SLC7A11: variants seen among roughly 807,000 people sequenced by gnomAD.
SLC7A11 encodes the protein solute carrier family 7 member 11, also known as cystine/glutamate transporter.
A neutral mutation model predicts 54.5 loss-of-function variants in SLC7A11; 35 were observed. The ratio of observed to expected loss-of-function variants is 0.64; its 90% CI spans 0.49 to 0.85. The LOEUF (loss-of-function observed/expected upper bound fraction) is 0.85. Ranked by LOEUF, SLC7A11 falls within the 40% of genes least tolerant of loss-of-function variation. The pLI, the probability that SLC7A11 is intolerant of heterozygous loss-of-function variation, is 0.00. For missense variants in SLC7A11, 583 were observed against 618.1 expected (o/e 0.94, Z 0.60); for synonymous variants, 230 against 225.2 (o/e 1.02, Z -0.19).
At chr4:138,237,739 T>TATATATATACATA (rs1738270196) in intron 1 of SLC7A11, among the ~76,000 whole-genome samples, 1 of 9,206 alleles carries the variant, frequency 1.1e-4, no homozygotes, top group South Asian at 6.3e-3. Context: ...ATATATATAT[T>TATATATATACATA]TTTTTTTTTT....
At chr4:138,241,200 A>G (rs1023210208) in intron 1 of SLC7A11, among the ~76,000 whole-genome samples, 1 of 152,248 alleles carries the variant, frequency 6.6e-6, no homozygotes, top group African/African-American at 2.4e-5. Flanking sequence ...GGCCATTGCA[A>G]TATACCCCAT....
chr4:138,223,442 GT>G, intron 3 of SLC7A11, 118 bp from the exon 4 acceptor site: 1 of 1,064,206 alleles, frequency 9.4e-7, no homozygotes, highest in Non-Finnish European at 1.4e-6. Context: ...ACTTAGAAGT[GT>G]TTTAGAAATG....
At position 138,180,705 on chromosome 4, in the gene SLC7A11, C is replaced by T; in HGVS notation, c.1202G>A (p.Gly401Glu). The change falls in exon 10 of 12, where the codon GGG (glycine) becomes GAG (glutamate). Residue 401 changes from glycine (G) to glutamate (E), a missense_variant. By Grantham distance (98) the Gly-to-Glu change is moderately conservative (BLOSUM62 -2). Coordinates refer to ENST00000280612, the MANE Select transcript of SLC7A11 (RefSeq NM_014331.4). Reference protein sequence around the residue: ...FLSFARWLFIGLAVAGLIYLR... With the variant: ...FLSFARWLFIELAVAGLIYLR... Reference sequence around the variant, plus strand: ...ATAAATCAGCCCAGCAACTGCCAGCCCAATAAAAAGCCACCTGGCAAAACT... The same window carrying T: ...ATAAATCAGCCCAGCAACTGCCAGCTCAATAAAAAGCCACCTGGCAAAACT... 5 of 1,612,892 alleles carry T rather than the reference C, an allele frequency of 3.1e-6. No homozygotes were observed. Among genetic ancestry groups the T allele is most frequent in the Non-Finnish European group, 4.2e-6 (5 of 1,179,398 alleles).
intron 11 of SLC7A11, among the ~76,000 whole-genome samples, chr4:138,178,969 T>G (rs185113040): frequency 6.6e-6 from 1 of 152,052 alleles, no homozygotes; most frequent in Non-Finnish European, 1.5e-5. Context: ...CTGATAAAAT[T>G]TCATCTAAAA....
intron 1 of SLC7A11, among the ~76,000 whole-genome samples, chr4:138,237,363 G>T (rs1738237792): frequency 6.6e-6 from 1 of 150,758 alleles, no homozygotes; most frequent in African/African-American, 2.4e-5. Context: ...AGGCTATCTT[G>T]GATGTTTTTT....
chr4:138,179,320 T>C lies in SLC7A11; in HGVS notation c.1341A>G (p.Pro447=). The C allele has an allele frequency of 6.2e-7, 1 of 1,612,632 alleles. No individual in the cohort carries two copies. ...FMVALSLYSD[P]FSTGIGFVIT... ...TGACGAAGCCAATCCCTGTACTAAA[T>C]GGGTCCGAATAGAGGGAAAGGGCAA... Residue 447 remains proline, a synonymous_variant, in exon 11 of 12, where the codon CCA becomes CCG. Transcript: ENST00000280612.
intron 6 of SLC7A11, among the ~76,000 whole-genome samples, chr4:138,204,642 C>T (rs1227598988): frequency 2.6e-5 from 4 of 151,634 alleles, no homozygotes; most frequent in South Asian, 2.1e-4. Context: ...TCAGTAGAAA[C>T]GCAAACAGTC....
At chr4:138,227,390 C>G (rs535139071) in intron 3 of SLC7A11, among the ~76,000 whole-genome samples, 2 of 152,070 alleles carry the variant, frequency 1.3e-5, no homozygotes, top group Middle Eastern at 6.8e-3. Context: ...GCAACAAACC[C>G]TTTAAAAAGC....
chr4:138,215,551 C>A (rs1372763978), intron 5 of SLC7A11, among the ~76,000 whole-genome samples: 1 of 152,038 alleles, frequency 6.6e-6, no homozygotes, highest in Middle Eastern at 3.2e-3. Flanking sequence ...GAGGAGCTGA[C>A]AGAACAGTAG....
Position 138,166,409 on chromosome 4 carries a change from G to A in SLC7A11, c.*5547C>T, listed in dbSNP as rs1736258000. ...AAAATACAGTCACCACTGCAAAAGA[G>A]ATACCTGTGCATTACTCTTTTTTTC... On this transcript the variant is annotated 3_prime_UTR_variant, in exon 12 of 12. Coordinates refer to ENST00000280612, the MANE Select transcript of SLC7A11 (RefSeq NM_014331.4). 6.6e-6 allele frequency: 1 copy of A among 152,302 alleles called. No individual in the cohort carries two copies. Among genetic ancestry groups the A allele is most frequent in the South Asian group, 2.1e-4 (1 of 4,828 alleles). The allele number at this position is 152,302 out of a possible 1,614,324, so 9.4% of individuals were successfully genotyped here.
chr4:138,232,343 G>C lies in SLC7A11; in HGVS notation c.444C>G (p.Arg148=), dbSNP rs375388903. 3.7e-6 allele frequency: 6 copies of C among 1,613,246 alleles called. No homozygotes were observed. The highest frequency in any genetic ancestry group is 4.2e-6 in the Non-Finnish European group (5 of 1,179,452). ...ATAVISLAFG[R]YILEPFFIQC... ...GAATAAAAAATGGTTCCAGAATGTA[G>C]CGTCCAAATGCCAGGGATATCACAG... Residue 148 remains arginine, a synonymous_variant, in exon 3 of 12, where the codon CGC becomes CGG. Transcript: ENST00000280612.
intron 1 of SLC7A11, among the ~76,000 whole-genome samples, chr4:138,241,130 CA>C (rs1011784634): frequency 6.6e-6 from 1 of 152,014 alleles, no homozygotes; most frequent in Non-Finnish European, 1.5e-5. Context: ...ACTTATATTG[CA>C]AAAGTGTATG....
In SLC7A11 at chr4:138,168,663, C is replaced by A. The variant is rs1047335434; in HGVS notation, c.*3293G>T. The A allele has an allele frequency of 1.3e-5, 2 of 152,132 alleles. No individual in the cohort carries two copies. Among genetic ancestry groups the A allele is most frequent in the Non-Finnish European group, 2.9e-5 (2 of 68,014 alleles). The allele number at this position is 152,132 out of a possible 1,614,324, so 9.4% of individuals were successfully genotyped here. A position where few individuals can be genotyped will look rare whatever the true frequency, so the allele number is the denominator to read the frequency against. ...CGTGAATATCTTAGTGTTGGAGAAA[C>A]CGTCATGCATTGCTAACGTAACCTA... is the stretch of plus-strand genomic sequence containing the variant. On this transcript the variant is annotated 3_prime_UTR_variant, in exon 12 of 12. Coordinates refer to ENST00000280612, the MANE Select transcript of SLC7A11 (RefSeq NM_014331.4).
At chr4:138,218,863 A>G (rs993426321) in intron 5 of SLC7A11, among the ~76,000 whole-genome samples, 1 of 152,200 alleles carries the variant, frequency 6.6e-6, no homozygotes, top group Non-Finnish European at 1.5e-5. Context: ...GGAAAAAAAA[A>G]TCAATTAATC....
Position 138,181,584 on chromosome 4 carries a change from G to GA in SLC7A11, c.1116+712dup, listed in dbSNP as rs60120738. 6.4e-4 allele frequency among the ~76,000 whole-genome samples: 97 copies of GA among 150,934 alleles called. No individual in the cohort carries two copies. The South Asian group carries it at 0.012, about 19-fold the overall frequency. On this transcript the variant is annotated intron_variant, in intron 9 of 11. Transcript: ENST00000280612. ...ACGTTCTGAAACAAATTAAATGCAT[G>GA]AAAAAAAAATGTTCAGTGCATTCTG...
At position 138,168,001 on chromosome 4, in the gene SLC7A11, A is replaced by G. The variant is rs913171604; in HGVS notation, c.*3955T>C. On this transcript the variant is annotated 3_prime_UTR_variant, in exon 12 of 12. Transcript: ENST00000280612. ...ATATATTGTGAGAAAGTCACTTGTTATATATGGATATTTCAATTAACTCAT... is the reference window on the plus strand; with the variant it reads ...ATATATTGTGAGAAAGTCACTTGTTGTATATGGATATTTCAATTAACTCAT... 2.6e-5 allele frequency: 4 copies of G among 152,210 alleles called. No homozygotes were observed. Among genetic ancestry groups the G allele is most frequent in the Non-Finnish European group, 5.9e-5 (4 of 68,034 alleles). The allele number at this position is 152,210 out of a possible 1,614,324, so 9.4% of individuals were successfully genotyped here.
intron 1 of SLC7A11, among the ~76,000 whole-genome samples, chr4:138,238,914 T>A (rs1293677266): frequency 6.6e-6 from 1 of 152,188 alleles, no homozygotes; most frequent in Non-Finnish European, 1.5e-5. Flanking sequence ...GGGAATAATT[T>A]TTAATTCGAA....
At chr4:138,191,193 A>C (rs770859257) in intron 6 of SLC7A11, among the ~76,000 whole-genome samples, 16 of 152,210 alleles carry the variant, frequency 1.1e-4, no homozygotes, top group Non-Finnish European at 2.2e-4. Context: ...AAGGCTGAAC[A>C]AAGTGATGGG....
At chr4:138,209,777 A>C (rs1475324950) in intron 6 of SLC7A11, among the ~76,000 whole-genome samples, 1 of 152,112 alleles carries the variant, frequency 6.6e-6, no homozygotes, top group African/African-American at 2.4e-5. Flanking sequence ...TTTCATGCTT[A>C]TGGATTAAAA....
Sources: allele counts gnomAD v4.1 joint callset (sites outside exome capture counted in the v4.1 genomes callset), GRCh38; gene constraint gnomAD v4.1.1; transcripts MANE v1.5; gene names NCBI Gene and HGNC (gene_info 2026-07-23, HGNC 2026-07-21).